The following ANXA4 variants were observed in gnomAD, a reference collection of about 807,000 sequenced individuals.
ANXA4 encodes the protein 35-beta calcimedin.
Under a neutral mutation model 49.8 loss-of-function variants are expected in ANXA4, and 39 were observed. That is an observed-to-expected ratio of 0.78 (90% confidence interval 0.61 to 1.02). The LOEUF (loss-of-function observed/expected upper bound fraction) is 1.02, where lower values mean the gene tolerates loss of function less well. ANXA4 is among the 50% of genes least tolerant of loss of function. The probability of loss-of-function intolerance (pLI) is 0.00; values close to 1 mark genes in which losing one functional copy is unlikely to be tolerated. For missense variants in ANXA4, 360 were observed against 410.1 expected (o/e 0.88, Z 1.05); for synonymous variants, 134 against 152.5 (o/e 0.88, Z 0.89).
intron 3 of ANXA4, among the ~76,000 whole-genome samples, chr2:69,788,824 C>A (rs1340706458): frequency 8.5e-6 from 1 of 117,396 alleles, no homozygotes; most frequent in Non-Finnish European, 1.6e-5. Flanking sequence ...GGCGACAGAG[C>A]GAGACTCCAT....
Position 69,820,787 on chromosome 2 carries a change from G to A in ANXA4, c.872G>A (p.Arg291Lys), listed in dbSNP as rs1161360683. 7 of 1,613,974 alleles carry A rather than the reference G, an allele frequency of 4.3e-6. No homozygotes were observed. The South Asian group carries it at 4.4e-5, about 10-fold the overall frequency. ...TTGGATATCCGGGCACACTTCAAGA[G>A]ACTCTATGGAAAGTCTCTGTACTCG... ...DMLDIRAHFK[R>K]LYGKSLYSFI... Residue 291 changes from arginine to lysine, a missense_variant, in exon 12 of 13, where the codon AGA becomes AAA. Arg to Lys is a conservative substitution (Grantham distance 26). Transcript: ENST00000394295.
At chr2:69,694,524 T>TCCCCCCA (rs1678093913) in intron 2 of ANXA4, among the ~76,000 whole-genome samples, 1 of 17,598 alleles carries the variant, frequency 5.7e-5, no homozygotes, top group Non-Finnish European at 1.1e-4. Flanking sequence ...CCCTCCCCCC[T>TCCCCCCA]CCCCCCACCC....
At chr2:69,801,187 G>A (rs1171537910) in intron 3 of ANXA4, among the ~76,000 whole-genome samples, 1 of 152,128 alleles carries the variant, frequency 6.6e-6, no homozygotes, top group Non-Finnish European at 1.5e-5. Context: ...AGGGAAGGTG[G>A]AGTTTCCATG....
chr2:69,772,699 G>A lies in ANXA4; in HGVS notation c.-46-8821G>A, dbSNP rs181957481. ...AATGAATCGAGGAGTACCATTTTCT[G>A]CATTTATTTGTATATTCTATTTAGA... On this transcript the variant is annotated intron_variant, in intron 1 of 12. Coordinates refer to ENST00000394295, the MANE Select transcript of ANXA4 (RefSeq NM_001153.5). 4.1e-3 allele frequency among the ~76,000 whole-genome samples: 625 copies of A among 152,208 alleles called. 3 individuals are homozygous for A. The highest frequency in any genetic ancestry group is 0.014 in the African/African-American group (589 of 41,540).
chr2:69,678,212 GA>G (rs1325810914), intron 2 of ANXA4, among the ~76,000 whole-genome samples: 1 of 152,008 alleles, frequency 6.6e-6, no homozygotes, highest in African/African-American at 2.4e-5. Flanking sequence ...ATAATGTGGT[GA>G]TCTGCTTCTT....
At chr2:69,733,546 A>T (rs1670160592) in intron 3 of ANXA4, among the ~76,000 whole-genome samples, 1 of 151,916 alleles carries the variant, frequency 6.6e-6, no homozygotes, top group Admixed American at 6.6e-5. Context: ...CAGGAAGTTG[A>T]GACTTCAGTG....
chr2:69,693,138 G>A (rs966615973), intron 2 of ANXA4, among the ~76,000 whole-genome samples: 14 of 152,158 alleles, frequency 9.2e-5, no homozygotes, highest in Admixed American at 9.2e-4. Flanking sequence ...AATATGCACT[G>A]TTTCCCAAAT....
intron 2 of ANXA4, among the ~76,000 whole-genome samples, chr2:69,692,175 G>A (rs1041439096): frequency 6.6e-6 from 1 of 152,170 alleles, no homozygotes; most frequent in Non-Finnish European, 1.5e-5. Flanking sequence ...GTGAGCCACC[G>A]CGCCCAGACA....
In ANXA4 at chr2:69,788,161, T is replaced by G. The variant is rs867334681; in HGVS notation, c.97+20T>G. Reference sequence around the variant, plus strand: ...GGCTCGGTATGTGTCCTGCTGGAAGTGAATCCTCCTGCGTGCATTGCACAT... The same window carrying G: ...GGCTCGGTATGTGTCCTGCTGGAAGGGAATCCTCCTGCGTGCATTGCACAT... On this transcript the variant is annotated intron_variant, in intron 3 of 12. Transcript: ENST00000394295. 2 of 1,599,754 alleles carry G rather than the reference T, an allele frequency of 1.3e-6. No individual in the cohort carries two copies. Among genetic ancestry groups the G allele is most frequent in the Non-Finnish European group, 8.6e-7 (1 of 1,167,228 alleles).
At chr2:69,681,085 A>T (rs1049112577) in intron 2 of ANXA4, among the ~76,000 whole-genome samples, 2 of 152,152 alleles carry the variant, frequency 1.3e-5, no homozygotes, top group African/African-American at 2.4e-5. Context: ...AATTGGTGTT[A>T]GTTCTTTGTA....
chr2:69,730,115 G>T (rs1177197169), intron 3 of ANXA4, among the ~76,000 whole-genome samples: 1 of 152,126 alleles, frequency 6.6e-6, no homozygotes, highest in African/African-American at 2.4e-5. Flanking sequence ...CAAGGCGGGA[G>T]GATCGCTTGA....
In ANXA4 at chr2:69,660,176, C is replaced by T. The variant is rs983431645; in HGVS notation, n.766+6894C>T. Among the ~76,000 whole-genome samples, 11 of 152,306 alleles carry T rather than the reference C, an allele frequency of 7.2e-5. No homozygotes were observed. The East Asian group carries it at 2.1e-3, about 29-fold the overall frequency. On this transcript the variant is annotated intron_variant and non_coding_transcript_variant, in intron 2 of 3. Coordinates refer to the ANXA4 transcript ENST00000418066. ...AAAGAGTTAGAAAAAAGAATTTCTG[C>T]AGAGTCATTAAAAACCCAGACCTGC...
At chr2:69,748,981 G>A (rs1336732815) in intron 1 of ANXA4, among the ~76,000 whole-genome samples, 1 of 152,114 alleles carries the variant, frequency 6.6e-6, no homozygotes, top group Admixed American at 6.5e-5. Context: ...CCCAAGTACT[G>A]GGATTACATG....
chr2:69,784,695 C>T (rs1416516778), intron 2 of ANXA4, among the ~76,000 whole-genome samples: 1 of 152,190 alleles, frequency 6.6e-6, no homozygotes, highest in Non-Finnish European at 1.5e-5. Context: ...TTCTGGAGGC[C>T]AGAAATCCAA....
chr2:69,657,729 T>C (rs1012628613), intron 2 of ANXA4, among the ~76,000 whole-genome samples: 2 of 152,202 alleles, frequency 1.3e-5, no homozygotes, highest in Non-Finnish European at 2.9e-5. Context: ...TTCTTCTGGA[T>C]TGATTTATGC....
At chr2:69,786,716 C>T (rs1296962362) in intron 2 of ANXA4, among the ~76,000 whole-genome samples, 1 of 151,994 alleles carries the variant, frequency 6.6e-6, no homozygotes, top group Admixed American at 6.6e-5. Flanking sequence ...CATGGTCACT[C>T]CTGTTTTTTG....
At chr2:69,667,453 C>T (rs1470741021) in intron 2 of ANXA4, among the ~76,000 whole-genome samples, 2 of 150,366 alleles carry the variant, frequency 1.3e-5, no homozygotes, top group Non-Finnish European at 3.0e-5. Flanking sequence ...GCACATTACC[C>T]ATCTGACCTG....
At chr2:69,771,665 T>C (rs1671723705) in intron 1 of ANXA4, among the ~76,000 whole-genome samples, 2 of 152,204 alleles carry the variant, frequency 1.3e-5, no homozygotes, top group Non-Finnish European at 2.9e-5. Flanking sequence ...CATAAGGACA[T>C]AAGAAACTTT....
chr2:69,722,983 T>C lies in ANXA4; in HGVS notation n.864+2112T>C, dbSNP rs575454501. On this transcript the variant is annotated intron_variant and non_coding_transcript_variant, in intron 3 of 3. Transcript: ENST00000418066. The stretch of plus-strand genomic sequence containing the variant: ...GTCAGGAGATCAAGACCATTCTGGC[T>C]AACATGATGAAACTCCATCTCTACT... 4.1e-5 allele frequency among the ~76,000 whole-genome samples: 6 copies of C among 147,914 alleles called. No individual in the cohort carries two copies. The South Asian group carries it at 8.5e-4, about 21-fold the overall frequency.
Sources: gnomAD v4.1 joint callset for allele counts (sites outside exome capture counted in the v4.1 genomes callset) on GRCh38, gnomAD v4.1.1 for gene constraint, MANE v1.5 for transcripts, NCBI Gene and HGNC (gene_info 2026-07-23, HGNC 2026-07-21) for gene names.